The following AACS variants were observed in gnomAD, a reference collection of about 807,000 sequenced individuals.
AACS encodes acetoacetate-CoA ligase.
A neutral mutation model predicts 83.1 loss-of-function variants in AACS; 69 were observed. The ratio of observed to expected loss-of-function variants is 0.83; its 90% CI spans 0.68 to 1.01. The LOEUF is 1.01. Ranked by LOEUF, AACS falls within the 50% of genes least tolerant of loss-of-function variation. The pLI is 0.00. For synonymous variants in AACS, 333 were observed against 343.4 expected, an observed-to-expected ratio of 0.97 and a Z score of 0.33; for missense variants, 866 against 882.2, an observed-to-expected ratio of 0.98 and a Z score of 0.23.
chr12:125,065,823 G>T (rs571603122), intron 1 of AACS, 106 bp downstream of exon 1: 1 of 1,377,858 alleles, frequency 7.3e-7, no homozygotes. Context: ...GGCTGGAGGA[G>T]CCACTTGATG....
chr12:125,114,184 C>T (rs1363667287), intron 8 of AACS, among the ~76,000 whole-genome samples: 5 of 150,558 alleles, frequency 3.3e-5, no homozygotes, highest in African/African-American at 4.8e-5. Context: ...GGTGGGCCTC[C>T]GTGGTGCCCT....
chr12:125,098,773 T>C (rs949310748), intron 5 of AACS, among the ~76,000 whole-genome samples: 1 of 152,244 alleles, frequency 6.6e-6, no homozygotes, highest in African/African-American at 2.4e-5. Context: ...TCAAACTGTA[T>C]TGCTGGGGTT....
At chr12:125,132,902 C>T (rs1957347000) in intron 14 of AACS, among the ~76,000 whole-genome samples, 4 of 152,276 alleles carry the variant, frequency 2.6e-5, no homozygotes, top group South Asian at 4.2e-4. Flanking sequence ...TGGGTTAGCT[C>T]TTGCCACAGA....
intron 7 of AACS, among the ~76,000 whole-genome samples, chr12:125,103,477 A>G (rs923702893): frequency 6.6e-6 from 1 of 152,104 alleles, no homozygotes; most frequent in African/African-American, 2.4e-5. Context: ...CTACACGTGT[A>G]CACATGCATG....
Position 125,103,070 on chromosome 12 carries a change from G to T in AACS, c.756G>T (p.Lys252Asn). ...VSSRENIDLS[K>N]IPNSVFLDDF... ...CCAGAGAGAACATAGACCTTTCAAA[G>T]ATTCCAAACAGGTAATGTACCGCAT... The change falls in exon 7 of 18, where the codon AAG becomes AAT. Residue 252 changes from lysine to asparagine, a missense_variant. Lys to Asn is a moderately conservative substitution (Grantham distance 94). Transcript: ENST00000316519. 3.1e-6 allele frequency: 5 copies of T among 1,613,836 alleles called. No homozygotes were observed. The highest frequency in any genetic ancestry group is 1.1e-5 in the South Asian group (1 of 90,944).
At chr12:125,087,470 A>C (rs1042063715) in intron 4 of AACS, among the ~76,000 whole-genome samples, 1 of 152,230 alleles carries the variant, frequency 6.6e-6, no homozygotes, top group Non-Finnish European at 1.5e-5. Context: ...AGGTGTGTAC[A>C]TGGGGATGAG....
intron 3 of AACS, among the ~76,000 whole-genome samples, chr12:125,079,855 C>G (rs1363360929): frequency 6.6e-6 from 1 of 152,204 alleles, no homozygotes; most frequent in Non-Finnish European, 1.5e-5. Flanking sequence ...TTAGCAGTCA[C>G]TCTCTGTTCC....
In AACS at chr12:125,136,672, C is replaced by T. The variant is rs767432951; in HGVS notation, c.1689C>T (p.Phe563=). The T allele has an allele frequency of 1.5e-5, 25 of 1,613,528 alleles. 1 individual carries two copies. In the South Asian group the frequency reaches 1.6e-4, roughly 11 times the overall value. The change falls in exon 17 of 18, where the codon TTC becomes TTT. Residue 563 remains phenylalanine (F), a synonymous_variant. Transcript: ENST00000316519. The part of the protein sequence containing the change: ...SSEIYNIVES[F]EEVEDSLCVP... ...CTCCTGTCTCCACAGTGGAATCCTT[C>T]GAGGAGGTGGAGGACAGCCTGTGTG... is the stretch of plus-strand genomic sequence containing the variant.
intron 5 of AACS, chr12:125,101,490 C>T (rs1956706830): frequency 6.6e-6 from 1 of 152,160 alleles, no homozygotes; most frequent in Non-Finnish European, 1.5e-5. Context: ...ATTCAGGTTC[C>T]TCTTTAATTG....
At chr12:125,083,571 A>G (rs1296884724) in intron 3 of AACS, among the ~76,000 whole-genome samples, 1 of 151,702 alleles carries the variant, frequency 6.6e-6, no homozygotes, top group Non-Finnish European at 1.5e-5. Flanking sequence ...TTTCTGTACT[A>G]TCAAAGTTTT....
At chr12:125,083,785 C>T (rs918792995) in intron 3 of AACS, among the ~76,000 whole-genome samples, 1 of 152,024 alleles carries the variant, frequency 6.6e-6, no homozygotes, top group Non-Finnish European at 1.5e-5. Context: ...TCCTGAGTAG[C>T]TGGGATTACA....
intron 7 of AACS, 106 bp from the exon 8 acceptor site, chr12:125,107,015 G>A: frequency 6.6e-7 from 1 of 1,525,648 alleles, no homozygotes; most frequent in Admixed American, 1.8e-5. Flanking sequence ...TGGAATCCTG[G>A]CTTTTCTGGG....
chr12:125,134,518 C>T (rs1957372560), intron 15 of AACS, among the ~76,000 whole-genome samples: 1 of 152,178 alleles, frequency 6.6e-6, no homozygotes, highest in South Asian at 2.1e-4. Context: ...GGTTCCACAG[C>T]AAAGGCACAG....
chr12:125,104,314 AGAG>A (rs1277363249), intron 7 of AACS, among the ~76,000 whole-genome samples: 3 of 152,210 alleles, frequency 2.0e-5, no homozygotes, highest in Admixed American at 6.5e-5. Flanking sequence ...GAGGTGGAAG[AGAG>A]GAGGAGATGG....
At chr12:125,086,837 A>G (rs547314450) in intron 4 of AACS, among the ~76,000 whole-genome samples, 167 of 151,014 alleles carry the variant, frequency 1.1e-3, no homozygotes, top group African/African-American at 3.9e-3. Context: ...TGCTGGAGGG[A>G]TGAAGGCACA....
intron 8 of AACS, among the ~76,000 whole-genome samples, 159 bp downstream of exon 8, chr12:125,107,427 C>A (rs1294206816): frequency 1.3e-5 from 2 of 152,224 alleles, no homozygotes; most frequent in African/African-American, 4.8e-5. Context: ...GCACGGAGAT[C>A]CGGCACTGGG....
At chr12:125,090,394 C>T (rs1956453783) in intron 4 of AACS, among the ~76,000 whole-genome samples, 1 of 151,532 alleles carries the variant, frequency 6.6e-6, no homozygotes, top group South Asian at 2.1e-4. Context: ...TTATCCTCCA[C>T]CCATCATCTA....
chr12:125,099,618 G>A (rs1364260692), intron 5 of AACS, among the ~76,000 whole-genome samples: 2 of 152,194 alleles, frequency 1.3e-5, no homozygotes, highest in East Asian at 3.8e-4. Flanking sequence ...TCGGTCCAGT[G>A]CTTAGGGCAG....
chr12:125,099,202 A>G (rs1299891701), intron 5 of AACS, among the ~76,000 whole-genome samples: 1 of 152,184 alleles, frequency 6.6e-6, no homozygotes, highest in Non-Finnish European at 1.5e-5. Context: ...AGTCGATAAC[A>G]TTGGTCTGTA....
Sources: gnomAD v4.1 joint callset for allele counts (sites outside exome capture counted in the v4.1 genomes callset) on GRCh38, gnomAD v4.1.1 for gene constraint, MANE v1.5 for transcripts, NCBI Gene and HGNC (gene_info 2026-07-23, HGNC 2026-07-21) for gene names.